Variants in CEP63 observed in about 807,000 individuals in gnomAD.
CEP63 encodes centrosomal protein of 63 kDa.
In CEP63, 84 loss-of-function variants were observed where a neutral mutation model predicts 89.1. The observed-to-expected ratio is 0.94, with a 90% CI of 0.79 to 1.13. The LOEUF (loss-of-function observed/expected upper bound fraction) is 1.13, where lower values mean the gene tolerates loss of function less well. Among genes scored for constraint, CEP63 ranks in the 50% most tolerant of loss-of-function variants. The pLI is 0.00. For synonymous variants in CEP63, 267 were observed against 272.5 expected (o/e 0.98, Z 0.20); for missense variants, 838 against 813.3 (o/e 1.03, Z -0.37).
the CEP63 span, among the ~76,000 whole-genome samples, chr3:134,715,448 G>A: frequency 1.3e-5 from 2 of 152,110 alleles, no homozygotes; most frequent in Admixed American, 6.5e-5. Context: ...TAGACATGGG[G>A]TAATGCCTGC....
chr3:134,565,840 G>A (rs1198370139), downstream of CEP63, among the ~76,000 whole-genome samples: 4 of 151,756 alleles, frequency 2.6e-5, no homozygotes, highest in South Asian at 2.1e-4. Context: ...TTGAATAAGC[G>A]TTTTGTAAAG....
At chr3:134,653,583 AC>A in the CEP63 span, among the ~76,000 whole-genome samples, 2 of 152,052 alleles carry the variant, frequency 1.3e-5, no homozygotes, top group Non-Finnish European at 2.9e-5. Flanking sequence ...CCTCTTCCCC[AC>A]TATCCATTCT....
chr3:134,580,402 T>G (rs1439817272), intron 10 of CEP63, among the ~76,000 whole-genome samples: 1 of 152,166 alleles, frequency 6.6e-6, no homozygotes, highest in Non-Finnish European at 1.5e-5. Flanking sequence ...CAAAAATTAT[T>G]AAAATGTGCA....
the CEP63 span, among the ~76,000 whole-genome samples, chr3:134,623,059 A>G: frequency 3.9e-5 from 6 of 152,052 alleles, no homozygotes; most frequent in African/African-American, 1.4e-4. Context: ...TCCCTCTCCC[A>G]GGGCCCCGAA....
the CEP63 span, among the ~76,000 whole-genome samples, chr3:134,600,209 A>G: frequency 1.3e-5 from 2 of 152,358 alleles, no homozygotes; most frequent in African/African-American, 2.4e-5. Context: ...TATCTCAGGA[A>G]TTAATTGGTT....
chr3:134,531,224 C>T (rs1458968017), intron 3 of CEP63, among the ~76,000 whole-genome samples: 2 of 152,158 alleles, frequency 1.3e-5, no homozygotes, highest in Non-Finnish European at 2.9e-5. Flanking sequence ...GGACTCTCAA[C>T]ACTTTATATT....
At chr3:134,733,550 G>C in the CEP63 span, among the ~76,000 whole-genome samples, 1 of 152,142 alleles carries the variant, frequency 6.6e-6, no homozygotes, top group Admixed American at 6.6e-5. Flanking sequence ...ACTGGGGTAG[G>C]GTGGGCCCTT....
the CEP63 span, among the ~76,000 whole-genome samples, chr3:134,673,391 T>G: frequency 1.3e-5 from 2 of 152,150 alleles, no homozygotes; most frequent in East Asian, 3.9e-4. Flanking sequence ...TCCCTGGCCA[T>G]CAGCTCCTTT....
the CEP63 span, among the ~76,000 whole-genome samples, chr3:134,621,255 A>G: frequency 6.6e-6 from 1 of 152,234 alleles, no homozygotes; most frequent in African/African-American, 2.4e-5. Context: ...AGGGGCTCCA[A>G]GCAGCCAAAA....
chr3:134,572,759 T>A (rs1158197819), intron 11 of CEP63, among the ~76,000 whole-genome samples: 4 of 152,222 alleles, frequency 2.6e-5, no homozygotes, highest in Admixed American at 2.6e-4. Flanking sequence ...TATTTTCTTT[T>A]ATATATATAC....
chr3:134,736,671 A>G, the CEP63 span, among the ~76,000 whole-genome samples: 2 of 152,238 alleles, frequency 1.3e-5, no homozygotes, highest in Admixed American at 6.5e-5. Context: ...TCCTGAATAA[A>G]TGGAATGATA....
intron 3 of CEP63, among the ~76,000 whole-genome samples, chr3:134,516,579 T>G (rs997736125): frequency 6.6e-6 from 1 of 152,222 alleles, no homozygotes; most frequent in East Asian, 1.9e-4. Flanking sequence ...TACCTGGCTT[T>G]CCTAGGCAGA....
chr3:134,604,618 A>G, the CEP63 span: 1 of 697,754 alleles, frequency 1.4e-6, no homozygotes, highest in Non-Finnish European at 2.3e-6. Flanking sequence ...CTTTCACCAC[A>G]GTCCATTTCA....
At chr3:134,643,226 G>A in the CEP63 span, 1 of 1,272,088 alleles carries the variant, frequency 7.9e-7, no homozygotes, top group Non-Finnish European at 1.1e-6. Flanking sequence ...CCCATAGTCT[G>A]AGCTCCACAT....
chr3:134,596,734 A>G, the CEP63 span, among the ~76,000 whole-genome samples: 1 of 152,236 alleles, frequency 6.6e-6, no homozygotes, highest in Admixed American at 6.5e-5. Context: ...GAACCAAAGC[A>G]TATATATTCA....
the CEP63 span, among the ~76,000 whole-genome samples, chr3:134,600,509 A>G: frequency 4.6e-5 from 7 of 152,202 alleles, no homozygotes; most frequent in Non-Finnish European, 1.0e-4. Context: ...CAGATTGAAA[A>G]TGGAGTCCAG....
At chr3:134,514,027 G>A (rs1293603327) in intron 3 of CEP63, among the ~76,000 whole-genome samples, 1 of 152,114 alleles carries the variant, frequency 6.6e-6, no homozygotes, top group Non-Finnish European at 1.5e-5. Context: ...AATAGTAGAA[G>A]CAGCAGAAGA....
the CEP63 span, among the ~76,000 whole-genome samples, chr3:134,701,314 G>GTGTATATATACGTATATATA: frequency 9.1e-5 from 4 of 44,020 alleles, 1 homozygote; most frequent in South Asian, 2.1e-3. Flanking sequence ...ACGTATATAT[G>GTGTATATATACGTATATATA]TGTATATATA....
intron 2 of CEP63, among the ~76,000 whole-genome samples, chr3:134,503,100 C>CTTTTT (rs34673408): frequency 2.8e-4 from 26 of 92,026 alleles, no homozygotes; most frequent in East Asian, 1.1e-3. Flanking sequence ...TGATTTCAAT[C>CTTTTT]TTTTTTTTTT....
Sources: allele counts gnomAD v4.1 joint callset (sites outside exome capture counted in the v4.1 genomes callset), GRCh38; gene constraint gnomAD v4.1.1; transcripts MANE v1.5; gene names NCBI Gene and HGNC (gene_info 2026-07-23, HGNC 2026-07-21).